XKR5: variants seen among roughly 807,000 people sequenced by gnomAD.
XKR5 encodes the protein XK-related protein 5.
In XKR5, 46 loss-of-function variants were observed where a neutral mutation model predicts 40.8. The ratio of observed to expected loss-of-function variants is 1.13; its 90% CI spans 0.89 to 1.44. The LOEUF is 1.44. Ranked by LOEUF, XKR5 falls within the 40% of genes most tolerant of loss-of-function variation. The probability of loss-of-function intolerance (pLI) is 0.00; values close to 1 mark genes in which losing one functional copy is unlikely to be tolerated. For synonymous variants in XKR5, 466 were observed against 356.1 expected (o/e 1.31, Z -3.48); for missense variants, 1,169 against 844.7 (o/e 1.38, Z -4.76).
In XKR5 at chr8:6,811,818, G is replaced by T. The variant is rs748937711; in HGVS notation, c.1441C>A (p.Pro481Thr). Residue 481 changes from proline to threonine, a missense_variant, in exon 7 of 7, where the codon CCA (proline) becomes ACA (threonine). By Grantham distance (38) the Pro-to-Thr change is conservative (BLOSUM62 -1). Coordinates refer to ENST00000618742, the MANE Select transcript of XKR5 (RefSeq NM_207411.5). ...FEGVPKAEAD[P>T]LETSSYVSFA... ...GATACGTAACTTGAGGTTTCCAATG[G>T]GTCGGCCTCTGCTTTAGGGACACCT... 6.5e-7 allele frequency: 1 copy of T among 1,537,636 alleles called. No individual in the cohort carries two copies. The highest frequency in any genetic ancestry group is 8.7e-7 in the Non-Finnish European group (1 of 1,147,012).
rs1803589569 is a variant in XKR5 at position 6,809,595 on chromosome 8, CT to C, written c.*1602del. 1 of 152,174 alleles carries C rather than the reference CT, an allele frequency of 6.6e-6. No individual in the cohort carries two copies. Among genetic ancestry groups the C allele is most frequent in the Non-Finnish European group, 1.5e-5 (1 of 68,054 alleles). 9.4% of individuals were successfully genotyped at this position (152,174 alleles called of 1,614,324 possible). A position where few individuals can be genotyped will look rare whatever the true frequency, so the allele number is the denominator to read the frequency against. ...TGAGCCCCTGCATCCGACCCAAAGT[CT>C]CGTTATCTTCACCTGTTGTATGGAA... On this transcript the variant is annotated 3_prime_UTR_variant, in exon 7 of 7. Transcript: ENST00000618742.
chr8:6,814,370 G>T (rs938625742), intron 6 of XKR5, among the ~76,000 whole-genome samples: 4 of 152,168 alleles, frequency 2.6e-5, no homozygotes, highest in Non-Finnish European at 5.9e-5. Flanking sequence ...GAACAAGACC[G>T]ATCCCCAGGG....
intron 1 of XKR5, among the ~76,000 whole-genome samples, chr8:6,835,145 G>C (rs1045994468): frequency 1.3e-5 from 2 of 151,674 alleles, no homozygotes; most frequent in Non-Finnish European, 2.9e-5. Context: ...GGGGCGGGGG[G>C]ATCGTGCATG....
chr8:6,811,865 A>C lies in XKR5; in HGVS notation c.1394T>G (p.Leu465Ter). 6.5e-7 allele frequency: 1 copy of C among 1,537,502 alleles called. No individual in the cohort carries two copies. The highest frequency in any genetic ancestry group is 8.7e-7 in the Non-Finnish European group (1 of 1,146,962). Residue 465 changes from leucine (L) to a stop codon, truncating the protein, a stop_gained, in exon 7 of 7, where the codon TTA (leucine) becomes TGA (stop). Transcript: ENST00000618742. LOFTEE classifies it low-confidence loss of function (END_TRUNC). Reference protein sequence around the residue: ...LPSSSRDPSTLENSSAFEGVP... With the variant: ...LPSSSRDPST ...ACCTTCAAACGCAGAGCTGTTCTCT[A>C]AGGTTGAGGGGTCACGGGATGAGGA...
chr8:6,829,260 G>C (rs547032951), intron 2 of XKR5: 20 of 169,376 alleles, frequency 1.2e-4, no homozygotes, highest in African/African-American at 4.8e-4. Flanking sequence ...GGATGAGATA[G>C]GCCTTCTTCT....
At chr8:6,830,161 A>G (rs1031775098) in intron 2 of XKR5, among the ~76,000 whole-genome samples, 2 of 152,120 alleles carry the variant, frequency 1.3e-5, no homozygotes, top group African/African-American at 2.4e-5. Flanking sequence ...TTTATAAGCA[A>G]CTTTGTGTTT....
At chr8:6,817,667 T>C (rs143003411) in intron 5 of XKR5, among the ~76,000 whole-genome samples, 18 of 152,352 alleles carry the variant, frequency 1.2e-4, no homozygotes, top group African/African-American at 4.1e-4. Context: ...GCTGGGTGGA[T>C]AGGACCCTGG....
chr8:6,829,664 C>A (rs549819852), intron 2 of XKR5, among the ~76,000 whole-genome samples: 1 of 152,020 alleles, frequency 6.6e-6, no homozygotes, highest in Non-Finnish European at 1.5e-5. Context: ...TACAGGTGTG[C>A]GTGACCACGC....
At chr8:6,812,443 T>C in intron 6 of XKR5, 104 bp from the exon 7 acceptor site, 1 of 1,250,454 alleles carries the variant, frequency 8.0e-7, no homozygotes, top group Non-Finnish European at 1.1e-6. Context: ...AGGAAGATAA[T>C]TTGGGATCCA....
chr8:6,832,607 C>T (rs1390481139), intron 2 of XKR5, 110 bp downstream of exon 2: 5 of 1,420,896 alleles, frequency 3.5e-6, no homozygotes, highest in Non-Finnish European at 4.8e-6. Context: ...GAACCTCTTC[C>T]CAATGCTGAA....
At chr8:6,812,964 A>T (rs1307926589) in intron 6 of XKR5, among the ~76,000 whole-genome samples, 2 of 152,252 alleles carry the variant, frequency 1.3e-5, no homozygotes, top group African/African-American at 4.8e-5. Context: ...TGACTGCTGC[A>T]ATAATTTCTT....
chr8:6,816,065 G>A, intron 5 of XKR5, 147 bp from the exon 6 acceptor site: 1 of 601,290 alleles, frequency 1.7e-6, no homozygotes, highest in East Asian at 2.9e-5. Context: ...CCCAGGAGCA[G>A]GGCTATGTCC....
chr8:6,825,385 G>C (rs1384777983), intron 2 of XKR5, 36 bp from the exon 3 acceptor site: 1 of 1,481,838 alleles, frequency 6.7e-7, no homozygotes, highest in East Asian at 2.5e-5. Flanking sequence ...CACGGAGCCA[G>C]GCTGTGGCGA....
chr8:6,817,141 C>G (rs1433616892), intron 5 of XKR5, among the ~76,000 whole-genome samples: 1 of 152,164 alleles, frequency 6.6e-6, no homozygotes, highest in Non-Finnish European at 1.5e-5. Context: ...TGCCTCCTGT[C>G]TAGGCAACCC....
In XKR5 at chr8:6,811,639, G is replaced by T; in HGVS notation, c.1620C>A (p.Ser540=). The T allele has an allele frequency of 6.5e-7, 1 of 1,537,508 alleles. No individual in the cohort carries two copies. Residue 540 remains serine (S), a synonymous_variant, in exon 7 of 7, where the codon TCC becomes TCA. Coordinates refer to ENST00000618742, the MANE Select transcript of XKR5 (RefSeq NM_207411.5). ...QQRGGEGQQS[S]TLYFSATAEV... is the part of the protein sequence containing the mutation. ...CTGCAGTGGCGCTGAAGTACAACGT[G>T]GAACTCTGCTGTCCTTCCCCTCCTC... is the stretch of plus-strand genomic sequence containing the variant.
At chr8:6,814,730 A>G (rs1275329009) in intron 6 of XKR5, among the ~76,000 whole-genome samples, 1 of 152,148 alleles carries the variant, frequency 6.6e-6, no homozygotes, top group Non-Finnish European at 1.5e-5. Flanking sequence ...AGAAGTGAGG[A>G]CCCGTGACGT....
chr8:6,831,607 C>T (rs1804766177), intron 2 of XKR5, among the ~76,000 whole-genome samples: 1 of 152,168 alleles, frequency 6.6e-6, no homozygotes, highest in African/African-American at 2.4e-5. Flanking sequence ...CTAGGACACA[C>T]AGCAGCATTG....
At chr8:6,830,132 A>C (rs758431319) in intron 2 of XKR5, among the ~76,000 whole-genome samples, 1 of 152,118 alleles carries the variant, frequency 6.6e-6, no homozygotes, top group African/African-American at 2.4e-5. Context: ...CCACCGCGCC[A>C]GGCCTCAATC....
chr8:6,827,018 C>T (rs923166396), intron 2 of XKR5, among the ~76,000 whole-genome samples: 2 of 152,172 alleles, frequency 1.3e-5, no homozygotes, highest in Non-Finnish European at 2.9e-5. Context: ...CTATGCCAGG[C>T]ACCTTTACTG....
Sources: gnomAD v4.1 joint callset for allele counts (sites outside exome capture counted in the v4.1 genomes callset) on GRCh38, gnomAD v4.1.1 for gene constraint, MANE v1.5 for transcripts, NCBI Gene and HGNC (gene_info 2026-07-23, HGNC 2026-07-21) for gene names.